Variants in DYRK1A observed in about 807,000 individuals in gnomAD.
The protein encoded by DYRK1A is dual specificity tyrosine phosphorylation regulated kinase 1A, also known as dual specificity tyrosine-phosphorylation-regulated kinase 1A.
In DYRK1A, 9 loss-of-function variants were observed where a neutral mutation model predicts 79.7. The ratio of observed to expected loss-of-function variants is 0.11; its 90% CI spans 0.07 to 0.20. The LOEUF (loss-of-function observed/expected upper bound fraction) is 0.20. Ranked by LOEUF, DYRK1A falls within the 10% of genes least tolerant of loss-of-function variation. DYRK1A has a pLI of 1.00. For synonymous variants in DYRK1A, 349 were observed against 329.7 expected (o/e 1.06, Z -0.63); for missense variants, 622 against 956.0 (o/e 0.65, Z 4.61).
chr21:37,489,985 TCAG>T (rs1173028398), intron 6 of DYRK1A, among the ~76,000 whole-genome samples, 187 bp from the exon 7 acceptor site: 1 of 152,190 alleles, frequency 6.6e-6, no homozygotes, highest in Admixed American at 6.5e-5. Flanking sequence ...CCTGTTTAAT[TCAG>T]CAGAAGAGCA....
chr21:37,412,833 G>A lies in DYRK1A; in HGVS notation c.-76-7466G>A, dbSNP rs371701627. Among the ~76,000 whole-genome samples the A allele has an allele frequency of 1.1e-4, 17 of 152,286 alleles. No homozygotes were observed. The East Asian group carries it at 2.9e-3, about 26-fold the overall frequency. ...TTGTAGGCATAGAGAATGGAGGCAG[G>A]GATGTGGCACTGTAGGCAGCCACCC... On this transcript the variant is annotated intron_variant, in intron 1 of 11. Transcript: ENST00000647188.
At chr21:37,465,958 A>G (rs577970025) in intron 2 of DYRK1A, among the ~76,000 whole-genome samples, 1 of 152,342 alleles carries the variant, frequency 6.6e-6, no homozygotes, top group Middle Eastern at 3.4e-3. Flanking sequence ...CAGATTATGA[A>G]TGGCATTGTC....
At chr21:37,441,028 C>T (rs1056022177) in intron 2 of DYRK1A, among the ~76,000 whole-genome samples, 63 of 151,744 alleles carry the variant, frequency 4.2e-4, no homozygotes, top group African/African-American at 1.4e-3. Flanking sequence ...TTGTGTCTAT[C>T]GTTGTAGTTT....
At chr21:37,454,770 T>C (rs973123928) in intron 2 of DYRK1A, among the ~76,000 whole-genome samples, 2 of 152,164 alleles carry the variant, frequency 1.3e-5, no homozygotes, top group Non-Finnish European at 2.9e-5. Flanking sequence ...AAGTTAAGAT[T>C]ATGTGCTGCG....
intron 2 of DYRK1A, among the ~76,000 whole-genome samples, chr21:37,423,758 C>G (rs1456442449): frequency 6.6e-6 from 1 of 151,938 alleles, no homozygotes; most frequent in Non-Finnish European, 1.5e-5. Flanking sequence ...GGAATAGTTC[C>G]AAAGCATACA....
intron 2 of DYRK1A, among the ~76,000 whole-genome samples, chr21:37,422,878 A>G (rs1470397560): frequency 3.9e-5 from 6 of 152,178 alleles, no homozygotes; most frequent in African/African-American, 1.2e-4. Context: ...TAGTTCATGT[A>G]TCTATAGGTG....
At chr21:37,374,112 TAGAAACATGGTTC>T (rs2049488553) in intron 1 of DYRK1A, among the ~76,000 whole-genome samples, 1 of 152,182 alleles carries the variant, frequency 6.6e-6, no homozygotes, top group South Asian at 2.1e-4. Flanking sequence ...TATTTTCTGA[TAGAAACATGGTTC>T]TTGATTGCTG....
At chr21:37,425,209 C>T (rs2050584416) in intron 2 of DYRK1A, among the ~76,000 whole-genome samples, 1 of 152,100 alleles carries the variant, frequency 6.6e-6, no homozygotes. Flanking sequence ...TCTTTGTGTG[C>T]CCTGTGACTG....
intron 1 of DYRK1A, among the ~76,000 whole-genome samples, chr21:37,367,851 G>C (rs923406548): frequency 5.9e-5 from 9 of 151,496 alleles, no homozygotes; most frequent in African/African-American, 1.9e-4. Flanking sequence ...GGGTGGGAGC[G>C]GGGGCCGCGG....
At chr21:37,498,924 T>C (rs1199353200) in intron 9 of DYRK1A, among the ~76,000 whole-genome samples, 1 of 152,178 alleles carries the variant, frequency 6.6e-6, no homozygotes, top group African/African-American at 2.4e-5. Context: ...ATATGCTTAT[T>C]AGCCTTTCAT....
At chr21:37,379,912 C>A (rs913827966) in intron 1 of DYRK1A, among the ~76,000 whole-genome samples, 3 of 152,214 alleles carry the variant, frequency 2.0e-5, no homozygotes, top group Non-Finnish European at 2.9e-5. Context: ...GGAATCAGTG[C>A]TGAAACAAAG....
intron 2 of DYRK1A, among the ~76,000 whole-genome samples, chr21:37,420,845 T>C (rs1406612111): frequency 1.3e-5 from 2 of 152,214 alleles, no homozygotes; most frequent in East Asian, 3.9e-4. Context: ...ATTTTGTTTA[T>C]TTTTTCCTTG....
At chr21:37,425,814 A>G (rs1391303370) in intron 2 of DYRK1A, 1 of 152,308 alleles carries the variant, frequency 6.6e-6, no homozygotes, top group South Asian at 2.1e-4. Context: ...TGATAGCAAG[A>G]CCTGTGTGGT....
chr21:37,405,318 T>C (rs2043004238), intron 1 of DYRK1A, among the ~76,000 whole-genome samples: 3 of 152,164 alleles, frequency 2.0e-5, no homozygotes. Flanking sequence ...TTTTTGTTCT[T>C]TTATCTATTT....
chr21:37,479,600 G>GT (rs1569362052), intron 4 of DYRK1A, among the ~76,000 whole-genome samples: 2 of 22,792 alleles, frequency 8.8e-5, no homozygotes, highest in East Asian at 2.7e-3. Context: ...TTTTGTTTTT[G>GT]TTTTTGTTTT....
At chr21:37,454,375 A>C (rs1284618312) in intron 2 of DYRK1A, among the ~76,000 whole-genome samples, 1 of 152,026 alleles carries the variant, frequency 6.6e-6, no homozygotes, top group Non-Finnish European at 1.5e-5. Flanking sequence ...TTGTAAGTGT[A>C]AGCCACCGTA....
chr21:37,404,122 A>G (rs1167871611), intron 1 of DYRK1A, among the ~76,000 whole-genome samples: 1 of 152,186 alleles, frequency 6.6e-6, no homozygotes, highest in Non-Finnish European at 1.5e-5. Flanking sequence ...CACAGAACCA[A>G]TAAGAGATAC....
intron 2 of DYRK1A, among the ~76,000 whole-genome samples, chr21:37,450,360 G>C (rs2051405983): frequency 6.6e-6 from 1 of 152,154 alleles, no homozygotes. Flanking sequence ...TTCATCAGGA[G>C]AAATAAGTTG....
intron 3 of DYRK1A, among the ~76,000 whole-genome samples, chr21:37,477,573 G>A (rs996592271): frequency 1.2e-4 from 19 of 152,276 alleles, no homozygotes; most frequent in African/African-American, 4.1e-4. Context: ...AGATGGTGTC[G>A]AGAGCCATGA....
Sources: allele counts gnomAD v4.1 joint callset (sites outside exome capture counted in the v4.1 genomes callset), GRCh38; gene constraint gnomAD v4.1.1; transcripts MANE v1.5; gene names NCBI Gene and HGNC (gene_info 2026-07-23, HGNC 2026-07-21).